COL19A1: variants seen among roughly 807,000 people sequenced by gnomAD.
COL19A1 encodes collagen alpha-1(XIX) chain.
In COL19A1, 159 loss-of-function variants were observed where a neutral mutation model predicts 190.2. The ratio of observed to expected loss-of-function variants is 0.84; its 90% CI spans 0.73 to 0.95. The LOEUF is 0.95. COL19A1 is among the 40% of genes least tolerant of loss of function. COL19A1 has a pLI of 0.00. For synonymous variants in COL19A1, 509 were observed against 458.9 expected (o/e 1.11, Z -1.39); for missense variants, 1,418 against 1,431.9 (o/e 0.99, Z 0.16).
At chr6:70,206,777 T>C in intron 49 of COL19A1, 124 bp from the exon 50 acceptor site, 1 of 743,152 alleles carries the variant, frequency 1.3e-6, no homozygotes, top group Non-Finnish European at 2.2e-6. Flanking sequence ...AGTTAGCTAA[T>C]ATACTATTTA....
intron 11 of COL19A1, among the ~76,000 whole-genome samples, chr6:69,993,316 C>G (rs1195282149): frequency 6.6e-6 from 1 of 152,104 alleles, no homozygotes. Context: ...CCTACTTGAT[C>G]ATGGATGATT....
intron 48 of COL19A1, among the ~76,000 whole-genome samples, chr6:70,196,560 G>T (rs1458693112): frequency 6.6e-6 from 1 of 152,168 alleles, no homozygotes; most frequent in Non-Finnish European, 1.5e-5. Flanking sequence ...GATGACATGT[G>T]TGTGTTCCTT....
intron 11 of COL19A1, among the ~76,000 whole-genome samples, chr6:69,997,059 A>G (rs1776960940): frequency 6.6e-6 from 1 of 151,098 alleles, no homozygotes; most frequent in South Asian, 2.1e-4. Flanking sequence ...AAAGAGAACC[A>G]AAAGAGAATC....
intron 4 of COL19A1, among the ~76,000 whole-genome samples, chr6:69,905,420 A>G (rs1231604276): frequency 6.6e-6 from 1 of 152,210 alleles, no homozygotes; most frequent in African/African-American, 2.4e-5. Context: ...CTTCAGGGTC[A>G]GCAGCTTAAC....
At position 69,888,756 on chromosome 6, in the gene COL19A1, C is replaced by T. The variant is rs539918576; in HGVS notation, c.91+9098C>T. Among the ~76,000 whole-genome samples the T allele has an allele frequency of 9.0e-5, 13 of 144,152 alleles. No homozygotes were observed. In the East Asian group the frequency reaches 2.0e-3, roughly 22 times the overall value. The allele number at this position is 144,152 out of a possible 152,430, so 94.6% of individuals were successfully genotyped here. ...TAGCGCCACTGCACTCCATCCTGGT[C>T]GACAGAGTGAGACTCTAGCTCAAAA... On this transcript the variant is annotated intron_variant, in intron 2 of 50. Coordinates refer to ENST00000620364, the MANE Select transcript of COL19A1 (RefSeq NM_001858.6).
intron 2 of COL19A1, among the ~76,000 whole-genome samples, chr6:69,898,213 T>A (rs1260413444): frequency 6.6e-6 from 1 of 152,184 alleles, no homozygotes; most frequent in East Asian, 1.9e-4. Flanking sequence ...ACAGTTATCT[T>A]GGCACAATTC....
intron 3 of COL19A1, among the ~76,000 whole-genome samples, chr6:69,899,764 T>C (rs2149972490): frequency 6.6e-6 from 1 of 152,304 alleles, no homozygotes; most frequent in Non-Finnish European, 1.5e-5. Context: ...TGCTAATGAG[T>C]GTGTGACACA....
intron 14 of COL19A1, among the ~76,000 whole-genome samples, chr6:70,052,407 G>A (rs1280762210): frequency 1.3e-5 from 2 of 152,126 alleles, no homozygotes; most frequent in Admixed American, 6.5e-5. Flanking sequence ...ACCAGCTCTT[G>A]GGCATTGCAT....
intron 16 of COL19A1, among the ~76,000 whole-genome samples, chr6:70,119,401 C>G (rs942505450): frequency 2.0e-5 from 3 of 152,182 alleles, no homozygotes; most frequent in Non-Finnish European, 2.9e-5. Flanking sequence ...GCACCAAGCA[C>G]TGTGAAGTAC....
chr6:70,148,491 A>C (rs1388439376), intron 27 of COL19A1, among the ~76,000 whole-genome samples: 2 of 152,208 alleles, frequency 1.3e-5, no homozygotes, highest in Non-Finnish European at 2.9e-5. Context: ...TCACATCCTT[A>C]TATTGAAGTT....
chr6:69,954,518 G>A (rs913583939), intron 9 of COL19A1, among the ~76,000 whole-genome samples: 8 of 152,032 alleles, frequency 5.3e-5, no homozygotes, highest in African/African-American at 9.7e-5. Flanking sequence ...AAAGTCCTTC[G>A]TACTTTCTAC....
At chr6:70,141,104 A>G in intron 20 of COL19A1, 115 bp downstream of exon 20, 2 of 899,670 alleles carry the variant, frequency 2.2e-6, no homozygotes, top group Non-Finnish European at 3.4e-6. Flanking sequence ...AAGGTCCATG[A>G]GCATTTTACT....
chr6:69,886,239 T>G (rs749348062), intron 2 of COL19A1, among the ~76,000 whole-genome samples: 4 of 152,176 alleles, frequency 2.6e-5, no homozygotes, highest in Non-Finnish European at 4.4e-5. Context: ...GTGATCAACA[T>G]TACTAATCAT....
chr6:70,073,497 G>C (rs1781682398), intron 15 of COL19A1, among the ~76,000 whole-genome samples: 1 of 152,128 alleles, frequency 6.6e-6, no homozygotes, highest in African/African-American at 2.4e-5. Flanking sequence ...TAGGTATACA[G>C]CTTCAGAATA....
chr6:69,964,026 G>C (rs1247276602), intron 11 of COL19A1, among the ~76,000 whole-genome samples: 1 of 152,086 alleles, frequency 6.6e-6, no homozygotes, highest in African/African-American at 2.4e-5. Flanking sequence ...AATAACTCTT[G>C]TGTACATCAA....
chr6:69,965,192 A>G (rs944904133), intron 11 of COL19A1, among the ~76,000 whole-genome samples: 4 of 152,202 alleles, frequency 2.6e-5, no homozygotes, highest in Admixed American at 6.5e-5. Context: ...TAATTACCCT[A>G]CTGTGGCCTT....
intron 4 of COL19A1, among the ~76,000 whole-genome samples, chr6:69,920,713 T>G (rs920670059): frequency 2.0e-5 from 3 of 151,898 alleles, no homozygotes; most frequent in Non-Finnish European, 4.4e-5. Context: ...TTAATTAATG[T>G]GTAGAAAAGT....
chr6:69,935,705 GT>G (rs111944541), intron 7 of COL19A1, among the ~76,000 whole-genome samples: 45,591 of 148,632 alleles, frequency 0.31, 8,344 homozygotes, highest in African/African-American at 0.52. Flanking sequence ...CTACTACCAA[GT>G]TTTTTTTTTT....
At chr6:69,867,787 G>A (rs1028098466) in intron 1 of COL19A1, 4 of 152,574 alleles carry the variant, frequency 2.6e-5, no homozygotes, top group Non-Finnish European at 5.9e-5. Context: ...AGCGTGCCTT[G>A]TCAGCCTCAG....
Sources: gnomAD v4.1 joint callset for allele counts (sites outside exome capture counted in the v4.1 genomes callset) on GRCh38, gnomAD v4.1.1 for gene constraint, MANE v1.5 for transcripts, NCBI Gene and HGNC (gene_info 2026-07-23, HGNC 2026-07-21) for gene names.